The following FHIT variants were observed in gnomAD, a reference collection of about 807,000 sequenced individuals.
The protein encoded by FHIT is bis(5'-adenosyl)-triphosphatase.
In FHIT, 19 loss-of-function variants were observed where a neutral mutation model predicts 17.9. The ratio of observed to expected loss-of-function variants is 1.06; its 90% CI spans 0.74 to 1.56. The LOEUF (loss-of-function observed/expected upper bound fraction) is 1.56, where lower values mean the gene tolerates loss of function less well. Among genes scored for constraint, FHIT ranks in the 40% most tolerant of loss-of-function variants. The pLI is 0.00. For synonymous variants in FHIT, 81 were observed against 69.7 expected (o/e 1.16, Z -0.81); for missense variants, 248 against 189.2 (o/e 1.31, Z -1.82).
chr3:59,775,903 GAGA>G (rs918810943), intron 8 of FHIT, among the ~76,000 whole-genome samples: 4 of 152,214 alleles, frequency 2.6e-5, no homozygotes, highest in African/African-American at 7.2e-5. Flanking sequence ...GTGAGCGATG[GAGA>G]AGAAGTGATG....
At chr3:60,099,225 T>C (rs1203811693) in intron 5 of FHIT, among the ~76,000 whole-genome samples, 1 of 152,176 alleles carries the variant, frequency 6.6e-6, no homozygotes, top group African/African-American at 2.4e-5. Context: ...TTGCTCTGTT[T>C]ACCTCTTGAT....
At chr3:59,792,877 G>A (rs1316944209) in intron 8 of FHIT, among the ~76,000 whole-genome samples, 1 of 148,110 alleles carries the variant, frequency 6.8e-6, no homozygotes. Flanking sequence ...TTTTTTGGGG[G>A]GGGGGGTCAT....
chr3:61,037,570 T>C (rs1420111290), intron 3 of FHIT, among the ~76,000 whole-genome samples: 1 of 152,220 alleles, frequency 6.6e-6, no homozygotes, highest in African/African-American at 2.4e-5. Context: ...GTTGGAAACT[T>C]AATTCCCAGT....
At position 60,014,122 on chromosome 3, in the gene FHIT, T is replaced by C. The variant is rs1700247599; in HGVS notation, c.134A>G (p.Glu45Gly). The change falls in exon 6 of 10, where the codon GAG (glutamate) becomes GGG (glycine). Residue 45 changes from glutamate (E) to glycine (G), a missense_variant. Physicochemically the swap from Glu to Gly is moderately conservative, Grantham distance 98. Coordinates refer to ENST00000492590, the MANE Select transcript of FHIT (RefSeq NM_002012.4). ...HVLVCPLRPV[E>G]RFHDLRPDEV... ...ATCAGGACGCAGGTCATGGAAGCGCTCCACTGGCCGCAGCGGGCACACAAG... is the reference window on the plus strand; with the variant it reads ...ATCAGGACGCAGGTCATGGAAGCGCCCCACTGGCCGCAGCGGGCACACAAG... The C allele has an allele frequency of 1.2e-6, 2 of 1,613,928 alleles. No homozygotes were observed. Among genetic ancestry groups the C allele is most frequent in the Non-Finnish European group, 8.5e-7 (1 of 1,179,980 alleles).
intron 3 of FHIT, among the ~76,000 whole-genome samples, chr3:60,974,051 C>T (rs1444312128): frequency 1.3e-5 from 2 of 152,130 alleles, no homozygotes; most frequent in Non-Finnish European, 2.9e-5. Flanking sequence ...TTCATAGGCT[C>T]AGAGACATTA....
At chr3:61,104,484 C>G (rs2035933134) in intron 2 of FHIT, among the ~76,000 whole-genome samples, 1 of 152,166 alleles carries the variant, frequency 6.6e-6, no homozygotes, top group Non-Finnish European at 1.5e-5. Context: ...ACCTTTCTCT[C>G]TAGCTGCCTT....
In FHIT at chr3:60,782,237, G is replaced by GTATATATATATATA. The variant is rs11272366; in HGVS notation, c.-18+39668_-18+39681dup. Among the ~76,000 whole-genome samples, 656 of 95,554 alleles carry GTATATATATATATA rather than the reference G, an allele frequency of 6.9e-3. 5 individuals carry two copies. The highest frequency in any genetic ancestry group is 0.022 in the African/African-American group (617 of 28,274). 62.7% of individuals were successfully genotyped at this position (95,554 alleles called of 152,430 possible). A position where few individuals can be genotyped will look rare whatever the true frequency, so the allele number is the denominator to read the frequency against. On this transcript the variant is annotated intron_variant, in intron 4 of 9. Coordinates refer to ENST00000492590, the MANE Select transcript of FHIT (RefSeq NM_002012.4). ...TATTTCATTGTGTGTGTGTGTGTGTGTATATATATATATATATCACATTTT... is the reference window on the plus strand; with the variant it reads ...TATTTCATTGTGTGTGTGTGTGTGTGTATATATATATATATATATATATATATATATCACATTTT...
At chr3:61,176,109 C>T (rs1386273395) in intron 2 of FHIT, among the ~76,000 whole-genome samples, 4 of 152,204 alleles carry the variant, frequency 2.6e-5, no homozygotes, top group East Asian at 1.9e-4. Context: ...GAAAGGCTGA[C>T]GTGGGTTTCA....
At chr3:60,097,981 T>C (rs1704032088) in intron 5 of FHIT, among the ~76,000 whole-genome samples, 2 of 151,374 alleles carry the variant, frequency 1.3e-5, no homozygotes, top group African/African-American at 2.4e-5. Context: ...TTTTTTGTCC[T>C]TGCCATAGTT....
intron 8 of FHIT, among the ~76,000 whole-genome samples, chr3:59,873,515 C>T (rs1703014816): frequency 6.6e-6 from 1 of 152,226 alleles, no homozygotes; most frequent in Non-Finnish European, 1.5e-5. Context: ...GTCACCTACT[C>T]TCCCATCTGT....
intron 5 of FHIT, among the ~76,000 whole-genome samples, chr3:60,131,567 T>C (rs1699597020): frequency 6.6e-6 from 1 of 152,140 alleles, no homozygotes; most frequent in South Asian, 2.1e-4. Flanking sequence ...TCCTACCTAA[T>C]AAGGGCAGCT....
chr3:60,624,567 T>C (rs1414707683), intron 4 of FHIT, among the ~76,000 whole-genome samples: 2 of 152,056 alleles, frequency 1.3e-5, no homozygotes, highest in African/African-American at 4.8e-5. Flanking sequence ...AAGTAAAATA[T>C]TCAAGAAGGG....
At chr3:60,256,421 T>C (rs1705995586) in intron 5 of FHIT, among the ~76,000 whole-genome samples, 1 of 152,210 alleles carries the variant, frequency 6.6e-6, no homozygotes, top group South Asian at 2.1e-4. Flanking sequence ...ATATTTGTTG[T>C]TTCTAAATCA....
chr3:59,996,907 T>C (rs938896075), intron 7 of FHIT, among the ~76,000 whole-genome samples: 4 of 152,072 alleles, frequency 2.6e-5, no homozygotes, highest in East Asian at 1.9e-4. Context: ...CTTCAAAATA[T>C]GAAAAAGAAC....
rs117917110 is a variant in FHIT at position 59,794,327 on chromosome 3, C to T, written c.349-42006G>A. Among the ~76,000 whole-genome samples, 86 of 152,278 alleles carry T rather than the reference C, an allele frequency of 5.6e-4. 2 individuals are homozygous for T. The East Asian group carries it at 0.016, about 28-fold the overall frequency. On this transcript the variant is annotated intron_variant, in intron 8 of 9. Coordinates refer to ENST00000492590, the MANE Select transcript of FHIT (RefSeq NM_002012.4). ...CACCAATTGAAAACGCACCAGGACA[C>T]GAACATTACCACAACTCAAATTCAG...
rs1559546976 is a variant in FHIT, at chr3:60,011,376, C to T, written c.274G>A (p.Val92Met). The T allele has an allele frequency of 5.6e-6, 9 of 1,613,754 alleles. No individual in the cohort carries two copies. Among genetic ancestry groups the T allele is most frequent in the Non-Finnish European group, 7.6e-6 (9 of 1,179,674 alleles). The change falls in exon 7 of 10, where the codon GTG (valine) becomes ATG (methionine). Residue 92 changes from valine to methionine, a missense_variant. Transcript: ENST00000492590. ...MQDGPEAGQT[V>M]KHVHVHVLPR... ...TGCACATAATAAGCACTCACCTTCA[C>T]AGTCTGTCCGGCTTCGGGGCCATCC...
intron 4 of FHIT, among the ~76,000 whole-genome samples, chr3:60,745,542 GA>G (rs782082797): frequency 5.3e-5 from 8 of 152,098 alleles, no homozygotes; most frequent in Non-Finnish European, 1.0e-4. Flanking sequence ...TTTACGCTTT[GA>G]AAAAATATAG....
At chr3:60,470,625 C>T (rs1468677746) in intron 5 of FHIT, among the ~76,000 whole-genome samples, 2 of 151,964 alleles carry the variant, frequency 1.3e-5, no homozygotes, top group Non-Finnish European at 2.9e-5. Context: ...TCCTCTGGCC[C>T]AGGACAGGTC....
At chr3:60,762,946 A>G (rs1468616829) in intron 4 of FHIT, among the ~76,000 whole-genome samples, 2 of 152,154 alleles carry the variant, frequency 1.3e-5, no homozygotes, top group Non-Finnish European at 2.9e-5. Flanking sequence ...GAACGGCTTA[A>G]AATCGATCAT....
Sources: allele counts gnomAD v4.1 joint callset (sites outside exome capture counted in the v4.1 genomes callset), GRCh38; gene constraint gnomAD v4.1.1; transcripts MANE v1.5; gene names NCBI Gene and HGNC (gene_info 2026-07-23, HGNC 2026-07-21).